The following DOCK10 variants were observed in gnomAD, a reference collection of about 807,000 sequenced individuals.
DOCK10 encodes dedicator of cytokinesis 10.
In DOCK10, 145 loss-of-function variants were observed where a neutral mutation model predicts 280.1. That is an observed-to-expected ratio of 0.52 (90% confidence interval 0.45 to 0.59). The LOEUF is 0.59. Ranked by LOEUF, DOCK10 falls within the 20% of genes least tolerant of loss-of-function variation. DOCK10 has a pLI of 0.00. For synonymous variants in DOCK10, 915 were observed against 942.2 expected (o/e 0.97, Z 0.53); for missense variants, 2,368 against 2,651.7 (o/e 0.89, Z 2.35).
chr2:224,808,658 C>A (rs756367128), intron 31 of DOCK10, among the ~76,000 whole-genome samples: 8 of 152,068 alleles, frequency 5.3e-5, no homozygotes, highest in African/African-American at 9.7e-5. Context: ...GCTTGAGAGG[C>A]TGGGGCTAGA....
chr2:224,803,986 A>G, intron 39 of DOCK10, 126 bp downstream of exon 39: 1 of 580,116 alleles, frequency 1.7e-6, no homozygotes, highest in Non-Finnish European at 2.9e-6. Context: ...TGGTTTGAAT[A>G]TATAAATAGA....
intron 30 of DOCK10, among the ~76,000 whole-genome samples, chr2:224,815,293 G>A (rs1008518025): frequency 3.3e-5 from 5 of 152,152 alleles, no homozygotes; most frequent in African/African-American, 1.2e-4. Context: ...ATATGGCACT[G>A]TGAGTCAATT....
Position 224,765,653 on chromosome 2 carries a change from T to A in DOCK10, c.*68A>T, listed in dbSNP as rs1690040440. 8.9e-7 allele frequency: 1 copy of A among 1,119,304 alleles called. No homozygotes were observed. The highest frequency in any genetic ancestry group is 2.2e-5 in the Admixed American group (1 of 45,328). 69.3% of individuals were successfully genotyped at this position (1,119,304 alleles called of 1,614,324 possible). On this transcript the variant is annotated 3_prime_UTR_variant, in exon 56 of 56. Transcript: ENST00000258390. The stretch of plus-strand genomic sequence containing the variant: ...ACTTCAAATAAATTAAACCTATCTT[T>A]CTCTTCCCCGAGATTAGCTGCAAAT...
At chr2:224,986,657 C>T (rs1705982596) in intron 1 of DOCK10, among the ~76,000 whole-genome samples, 1 of 152,008 alleles carries the variant, frequency 6.6e-6, no homozygotes, top group Admixed American at 6.6e-5. Flanking sequence ...AAGGGAAAGG[C>T]CATATGAAGC....
chr2:224,833,297 C>T (rs1231917224), intron 26 of DOCK10, among the ~76,000 whole-genome samples: 1 of 152,120 alleles, frequency 6.6e-6, no homozygotes, highest in African/African-American at 2.4e-5. Flanking sequence ...CCAGTGGCTT[C>T]CATGACTTCA....
At chr2:224,871,145 T>C (rs1256063747) in intron 11 of DOCK10, among the ~76,000 whole-genome samples, 4 of 152,082 alleles carry the variant, frequency 2.6e-5, no homozygotes, top group African/African-American at 9.7e-5. Flanking sequence ...TGCATTTGAA[T>C]CTGTCCCTAA....
rs370667556 is a variant in DOCK10 at position 224,786,773 on chromosome 2, C to T, written c.5655+249G>A. 1.3e-5 allele frequency among the ~76,000 whole-genome samples: 2 copies of T among 152,216 alleles called. No homozygotes were observed. Among genetic ancestry groups the T allele is most frequent in the East Asian group, 1.9e-4 (1 of 5,192 alleles). On this transcript the variant is annotated intron_variant, in intron 50 of 55. Transcript: ENST00000258390. This position sits in a 1 kb window ranked among gnomAD's most constrained non-coding sequence, Gnocchi z 4.7. Reference sequence around the variant, plus strand: ...AAGAGAGTGTTGAAAAATAAATGCCCTCTTTCTTCAAGAAGTTAGAAATCA... The same window carrying T: ...AAGAGAGTGTTGAAAAATAAATGCCTTCTTTCTTCAAGAAGTTAGAAATCA...
At position 225,001,289 on chromosome 2, in the gene DOCK10, C is replaced by CTTTTTT. The variant is rs141808105; in HGVS notation, c.123+40957_123+40962dup. 7.7e-3 allele frequency among the ~76,000 whole-genome samples: 992 copies of CTTTTTT among 128,184 alleles called. 47 individuals are homozygous for CTTTTTT. The highest frequency in any genetic ancestry group is 0.028 in the African/African-American group (840 of 30,498). The allele number at this position is 128,184 out of a possible 152,430, so 84.1% of individuals were successfully genotyped here. ...AGCTACACAACAATATACAACAGAC[C>CTTTTTT]TTTTTTTTTTTTTTTTTTGAGACGG... On this transcript the variant is annotated intron_variant, in intron 1 of 55. Transcript: ENST00000258390.
intron 2 of DOCK10, among the ~76,000 whole-genome samples, chr2:224,921,373 T>A (rs1240098711): frequency 6.6e-6 from 1 of 151,436 alleles, no homozygotes; most frequent in Non-Finnish European, 1.5e-5. Flanking sequence ...TGTTTGCTTG[T>A]TTTATTGGTA....
At chr2:224,953,171 C>T (rs1703859732) in intron 1 of DOCK10, among the ~76,000 whole-genome samples, 1 of 152,240 alleles carries the variant, frequency 6.6e-6, no homozygotes, top group East Asian at 1.9e-4. Flanking sequence ...TTCATTTCTT[C>T]CCACTTCAGT....
chr2:225,042,116 G>T lies in DOCK10; in HGVS notation c.123+136C>A. 1 of 1,068,068 alleles carries T rather than the reference G, an allele frequency of 9.4e-7. No homozygotes were observed. The highest frequency in any genetic ancestry group is 1.2e-6 in the Non-Finnish European group (1 of 845,546). 66.2% of individuals were successfully genotyped at this position (1,068,068 alleles called of 1,614,324 possible). On this transcript the variant is annotated intron_variant, in intron 1 of 55. Transcript: ENST00000258390. This position sits in a 1 kb window ranked among gnomAD's most constrained non-coding sequence, Gnocchi z 5.1. The stretch of plus-strand genomic sequence containing the variant: ...GGCGCCGGGGGAGCCCGCAGAGGCG[G>T]CGGGGGAGGGAGTGCGGAGGAGAGG...
intron 1 of DOCK10, among the ~76,000 whole-genome samples, chr2:224,973,772 A>C (rs1371102536): frequency 6.6e-6 from 1 of 152,200 alleles, no homozygotes. Flanking sequence ...CAGGGAAGCC[A>C]AGGTATACAG....
intron 19 of DOCK10, among the ~76,000 whole-genome samples, chr2:224,849,290 T>A (rs1696571695): frequency 6.6e-6 from 1 of 152,208 alleles, no homozygotes; most frequent in South Asian, 2.1e-4. Flanking sequence ...CCATTTTTTT[T>A]AAAAGGTCAC....
At chr2:225,017,876 G>A (rs1689660691) in intron 1 of DOCK10, among the ~76,000 whole-genome samples, 1 of 152,112 alleles carries the variant, frequency 6.6e-6, no homozygotes, top group African/African-American at 2.4e-5. Context: ...ATCCTGGTCT[G>A]GGCTATAATT....
Position 224,841,809 on chromosome 2 carries a change from A to T in DOCK10, c.2656T>A (p.Cys886Ser). 3 of 1,608,332 alleles carry T rather than the reference A, an allele frequency of 1.9e-6. No individual in the cohort carries two copies. The highest frequency in any genetic ancestry group is 2.6e-6 in the Non-Finnish European group (3 of 1,174,796). ...QSPTSNFIRS[C>S]KNLLNVEKIH... is the part of the protein sequence containing the mutation. ...CTGCTTGCATGTCATGTTACCTTAC[A>T]AGAGCGGATGAAATTTGAGGTAGGT... Residue 886 changes from cysteine to serine, a missense_variant, in exon 23 of 56, where the codon TGT becomes AGT. This residue lies in a region of DOCK10 where 1,209 missense variants were observed against 1,250.9 expected (regional missense o/e 0.97). Coordinates refer to ENST00000258390, the MANE Select transcript of DOCK10 (RefSeq NM_014689.3).
rs930699937 is a variant in DOCK10 at position 224,797,105 on chromosome 2, T to C, written c.4686A>G (p.Gly1562=). Residue 1562 remains glycine, a synonymous_variant, in exon 43 of 56, where the codon GGA becomes GGG. Coordinates refer to ENST00000258390, the MANE Select transcript of DOCK10 (RefSeq NM_014689.3). ...AFFQGPADLC[G]SFCYEVLKCC... ...ATTTTAGGACTTCGTAACAGAATGA[T>C]CCACAGAGGTCAGCAGGCCCTTGAA... The C allele has an allele frequency of 3.7e-6, 6 of 1,613,034 alleles. No individual in the cohort carries two copies. The highest frequency in any genetic ancestry group is 5.1e-6 in the Non-Finnish European group (6 of 1,179,428).
intron 7 of DOCK10, among the ~76,000 whole-genome samples, chr2:224,885,238 G>A (rs77083160): frequency 6.6e-6 from 1 of 152,144 alleles, no homozygotes; most frequent in African/African-American, 2.4e-5. Context: ...GACCTCAAGT[G>A]ATCCACCCGC....
chr2:224,982,369 C>T (rs774484807), intron 1 of DOCK10: 2 of 1,231,870 alleles, frequency 1.6e-6, no homozygotes, highest in Non-Finnish European at 2.0e-6. Context: ...TGCAGCCCAT[C>T]GCTGCATCCT....
Position 224,849,534 on chromosome 2 carries a change from G to A in DOCK10, c.2208C>T (p.His736=). The change falls in exon 19 of 56, where the codon CAC becomes CAT. Residue 736 remains histidine, a synonymous_variant. Transcript: ENST00000258390. ...TSAAYTAVLH[H]SQNPDFSDEV... is the part of the protein sequence containing the mutation. ...CATCTGAGAAATCCGGATTCTGAGA[G>A]TGGTGCAGAACTGCTGTGTAGGCGG... The A allele has an allele frequency of 6.2e-7, 1 of 1,612,310 alleles. No individual in the cohort carries two copies. The highest frequency in any genetic ancestry group is 1.7e-5 in the Admixed American group (1 of 59,884).
Sources: allele counts gnomAD v4.1 joint callset (sites outside exome capture counted in the v4.1 genomes callset), GRCh38; gene constraint gnomAD v4.1.1; regional missense constraint gnomAD v4.1.1; non-coding constraint Gnocchi (gnomAD v3.1); transcripts MANE v1.5; gene names NCBI Gene and HGNC (gene_info 2026-07-23, HGNC 2026-07-21).